Variants in FAM135B observed in about 807,000 individuals in gnomAD.
FAM135B encodes the protein protein FAM135B.
FAM135B carries 43 observed loss-of-function variants against 127.7 expected under a neutral mutation model. The observed-to-expected ratio is 0.34, with a 90% CI of 0.26 to 0.43. The LOEUF (loss-of-function observed/expected upper bound fraction) is 0.43. FAM135B is among the 20% of genes least tolerant of loss of function. The pLI, the probability that FAM135B is intolerant of heterozygous loss-of-function variation, is 1.00. For missense variants in FAM135B, 1,558 were observed against 1,725.6 expected, an observed-to-expected ratio of 0.90 and a Z score of 1.72; for synonymous variants, 670 against 665.1, an observed-to-expected ratio of 1.01 and a Z score of -0.11.
chr8:138,351,721 A>C (rs1587195448), intron 2 of FAM135B, among the ~76,000 whole-genome samples: 1 of 128,978 alleles, frequency 7.8e-6, no homozygotes, highest in African/African-American at 3.0e-5. Context: ...ATGGAATCTC[A>C]CTCTGTTGCT....
chr8:138,371,482 C>T (rs564496906), intron 1 of FAM135B, among the ~76,000 whole-genome samples: 3 of 152,186 alleles, frequency 2.0e-5, no homozygotes, highest in East Asian at 1.9e-4. Context: ...CAGGAAAGTC[C>T]GTTCTCTGCC....
intron 2 of FAM135B, among the ~76,000 whole-genome samples, chr8:138,327,558 G>A (rs574754152): frequency 6.6e-5 from 10 of 152,254 alleles, no homozygotes; most frequent in East Asian, 1.9e-4. Context: ...GCCAGTAATC[G>A]TGATGGAAAA....
chr8:138,271,530 T>A (rs1321778518), intron 3 of FAM135B, among the ~76,000 whole-genome samples: 1 of 152,170 alleles, frequency 6.6e-6, no homozygotes, highest in East Asian at 1.9e-4. Context: ...CAGGGTTCCT[T>A]TTGGGACATC....
intron 1 of FAM135B, among the ~76,000 whole-genome samples, chr8:138,409,950 T>A (rs1833763847): frequency 1.3e-5 from 2 of 148,478 alleles, no homozygotes; most frequent in South Asian, 4.3e-4. Flanking sequence ...TTGACCAAGG[T>A]CATAAAGCTA....
chr8:138,363,390 A>G (rs1372681580), intron 2 of FAM135B, among the ~76,000 whole-genome samples: 1 of 152,156 alleles, frequency 6.6e-6, no homozygotes, highest in African/African-American at 2.4e-5. Flanking sequence ...GGTTGGGGGA[A>G]GTTTCCAAGT....
intron 15 of FAM135B, among the ~76,000 whole-genome samples, chr8:138,145,001 G>T (rs74923761): frequency 0.07 from 10,679 of 151,878 alleles, 552 homozygotes; most frequent in Non-Finnish European, 0.11. Flanking sequence ...TTTTATTTTA[G>T]TTTAGTTTAG....
Position 138,152,935 on chromosome 8 carries a change from G to A in FAM135B, c.1540C>T (p.Pro514Ser), listed in dbSNP as rs2130786265. The A allele has an allele frequency of 6.2e-7, 1 of 1,614,144 alleles. No individual in the cohort carries two copies. Among genetic ancestry groups the A allele is most frequent in the Non-Finnish European group, 8.5e-7 (1 of 1,180,024 alleles). ...TGGCCAGTCCAACATTCATCTTCAG[G>A]CACACCTGCTTTGTTTTGAAATTCA... ...IGEFQNKAGV[P>S]EDECWTGQTS... Residue 514 changes from proline (P) to serine (S), a missense_variant, in exon 13 of 20, where the codon CCT becomes TCT. Transcript: ENST00000395297.
chr8:138,269,498 G>C (rs137953273), intron 3 of FAM135B, among the ~76,000 whole-genome samples: 2 of 152,320 alleles, frequency 1.3e-5, no homozygotes, highest in Non-Finnish European at 2.9e-5. Flanking sequence ...GAAGCCAGCT[G>C]GCTGAGGTCT....
chr8:138,447,349 T>G (rs1308259205), intron 1 of FAM135B, among the ~76,000 whole-genome samples: 1 of 151,966 alleles, frequency 6.6e-6, no homozygotes, highest in Non-Finnish European at 1.5e-5. Context: ...TAAAGACACA[T>G]GCACACATAT....
Position 138,322,154 on chromosome 8 carries a change from G to A in FAM135B, c.78-11234C>T, listed in dbSNP as rs141331970. Among the ~76,000 whole-genome samples the A allele has an allele frequency of 2.0e-4, 30 of 152,302 alleles. 1 individual carries two copies. Among genetic ancestry groups the A allele is most frequent in the African/African-American group, 7.0e-4 (29 of 41,584 alleles). ...GTGCAGGGGAACTTTATTTTTAAAT[G>A]ATAGTGAAAACATTGCATATGGCAG... On this transcript the variant is annotated intron_variant, in intron 2 of 19. Coordinates refer to ENST00000395297, the MANE Select transcript of FAM135B (RefSeq NM_015912.4).
intron 7 of FAM135B, among the ~76,000 whole-genome samples, chr8:138,236,399 T>TACACACACACACACACACACACACAC (rs35317285): frequency 2.1e-5 from 3 of 144,694 alleles, no homozygotes; most frequent in Non-Finnish European, 3.1e-5. Flanking sequence ...CACACACACA[T>TACACACACACACACACACACACACAC]ACACACACAC....
chr8:138,462,546 C>A (rs911345737), intron 1 of FAM135B, among the ~76,000 whole-genome samples: 1 of 152,108 alleles, frequency 6.6e-6, no homozygotes, highest in African/African-American at 2.4e-5. Flanking sequence ...AGAATGCTAC[C>A]TGGAGTCACT....
chr8:138,393,875 A>G (rs1832722696), intron 1 of FAM135B, among the ~76,000 whole-genome samples: 1 of 152,176 alleles, frequency 6.6e-6, no homozygotes, highest in Admixed American at 6.5e-5. Flanking sequence ...TGTAACACCC[A>G]TATCTGGAAC....
intron 7 of FAM135B, among the ~76,000 whole-genome samples, chr8:138,207,877 T>A (rs1382393433): frequency 6.6e-6 from 1 of 152,202 alleles, no homozygotes; most frequent in Admixed American, 6.5e-5. Context: ...GGGAGGCTGG[T>A]AGCTGATAGC....
intron 1 of FAM135B, chr8:138,459,539 G>C (rs1255749140): frequency 2.0e-5 from 3 of 152,212 alleles, no homozygotes; most frequent in Non-Finnish European, 2.9e-5. Context: ...AGGCGATCAT[G>C]AGAAACACAG....
intron 2 of FAM135B, among the ~76,000 whole-genome samples, chr8:138,348,150 T>TTTTTTTTG (rs1554671495): frequency 1.1e-5 from 1 of 90,336 alleles, no homozygotes; most frequent in African/African-American, 4.8e-5. Context: ...TTTTTTTTTT[T>TTTTTTTTG]TGAGAAGGAA....
chr8:138,408,715 A>G (rs1184439445), intron 1 of FAM135B, among the ~76,000 whole-genome samples: 3 of 152,296 alleles, frequency 2.0e-5, no homozygotes, highest in Non-Finnish European at 4.4e-5. Flanking sequence ...GAGCAAGAGC[A>G]CAGGGGAACT....
chr8:138,149,767 C>A (rs1185413679), intron 13 of FAM135B, among the ~76,000 whole-genome samples: 3 of 152,102 alleles, frequency 2.0e-5, no homozygotes, highest in Non-Finnish European at 4.4e-5. Flanking sequence ...TTTCCCCAAG[C>A]CAAATTAGGT....
chr8:138,449,834 TC>T (rs986293443), intron 1 of FAM135B, among the ~76,000 whole-genome samples: 1 of 152,124 alleles, frequency 6.6e-6, no homozygotes, highest in Non-Finnish European at 1.5e-5. Flanking sequence ...CCTCCAAAGT[TC>T]CGAGTTCACA....
Sources: gnomAD v4.1 joint callset for allele counts (sites outside exome capture counted in the v4.1 genomes callset) on GRCh38, gnomAD v4.1.1 for gene constraint, MANE v1.5 for transcripts, NCBI Gene and HGNC (gene_info 2026-07-23, HGNC 2026-07-21) for gene names.